Variants in VPS33A observed in about 807,000 individuals in gnomAD.
The protein encoded by VPS33A is vacuolar protein sorting-associated protein 33A.
VPS33A carries 32 observed loss-of-function variants against 71.8 expected under a neutral mutation model. That is an observed-to-expected ratio of 0.45 (90% CI 0.34 to 0.60). The LOEUF (loss-of-function observed/expected upper bound fraction) is 0.60, where lower values mean the gene tolerates loss of function less well. VPS33A is among the 20% of genes least tolerant of loss of function. The probability of loss-of-function intolerance (pLI) is 0.02; values close to 1 mark genes in which losing one functional copy is unlikely to be tolerated. For synonymous variants in VPS33A, 311 were observed against 292.7 expected, an observed-to-expected ratio of 1.06 and a Z score of -0.64; for missense variants, 625 against 748.5, an observed-to-expected ratio of 0.84 and a Z score of 1.92.
At chr12:122,256,953 ATAT>A (rs1488314542) in intron 4 of VPS33A, among the ~76,000 whole-genome samples, 1 of 152,166 alleles carries the variant, frequency 6.6e-6, no homozygotes, top group African/African-American at 2.4e-5. Context: ...TGACTCAGAG[ATAT>A]TATTAAGAGA....
chr12:122,254,822 C>T (rs1013167478), intron 4 of VPS33A, among the ~76,000 whole-genome samples: 4 of 151,786 alleles, frequency 2.6e-5, no homozygotes, highest in East Asian at 2.0e-4. Flanking sequence ...GAGGCTGAGG[C>T]GGTGGATCGC....
intron 6 of VPS33A, 48 bp downstream of exon 6, chr12:122,249,823 T>C: frequency 1.3e-6 from 2 of 1,534,672 alleles, no homozygotes; most frequent in Non-Finnish European, 1.8e-6. Flanking sequence ...CCACAAAGGA[T>C]ATTCTTCTCA....
At chr12:122,245,592 C>T (rs1954766630) in intron 6 of VPS33A, among the ~76,000 whole-genome samples, 1 of 152,110 alleles carries the variant, frequency 6.6e-6, no homozygotes, top group Non-Finnish European at 1.5e-5. Flanking sequence ...TATAGGCACC[C>T]ACCACCATGC....
chr12:122,241,131 T>A (rs546235839), intron 8 of VPS33A: 1 of 136,412 alleles, frequency 7.3e-6, no homozygotes, highest in South Asian at 2.3e-4. Context: ...TGAAACTCCG[T>A]CTCAAAAAAA....
At chr12:122,246,284 C>A (rs1307236488) in intron 6 of VPS33A, among the ~76,000 whole-genome samples, 11 of 144,196 alleles carry the variant, frequency 7.6e-5, no homozygotes, top group African/African-American at 2.9e-4. Flanking sequence ...CTCTCTCTCT[C>A]TCTTATTTTA....
chr12:122,245,952 A>G (rs868364801), intron 6 of VPS33A, among the ~76,000 whole-genome samples: 9 of 152,218 alleles, frequency 5.9e-5, no homozygotes, highest in South Asian at 2.1e-4. Context: ...ATAAGCTTCC[A>G]AATTCCTTAG....
In VPS33A at chr12:122,230,368, G is replaced by C. The variant is rs1947139278; in HGVS notation, c.*1878C>G. 1 of 152,280 alleles carries C rather than the reference G, an allele frequency of 6.6e-6. No homozygotes were observed. Among genetic ancestry groups the C allele is most frequent in the East Asian group, 1.9e-4 (1 of 5,194 alleles). 9.4% of individuals were successfully genotyped at this position (152,280 alleles called of 1,614,324 possible). A position where few individuals can be genotyped will look rare whatever the true frequency, so the allele number is the denominator to read the frequency against. On this transcript the variant is annotated 3_prime_UTR_variant, in exon 13 of 13. Coordinates refer to ENST00000267199, the MANE Select transcript of VPS33A (RefSeq NM_022916.6). The stretch of plus-strand genomic sequence containing the variant: ...GGCCGAGGTGGGCCAATCGCCTGAG[G>C]TCAGGAGTTTGAGACCAGCCTGGCC...
chr12:122,266,270 G>C (rs562483012), intron 1 of VPS33A, 37 bp downstream of exon 1: 17 of 1,602,226 alleles, frequency 1.1e-5, no homozygotes, highest in Middle Eastern at 1.6e-4. Context: ...CCGGACCAGG[G>C]GAGGCGAGGG....
chr12:122,251,308 C>T (rs1592923254), intron 4 of VPS33A, among the ~76,000 whole-genome samples: 2 of 152,224 alleles, frequency 1.3e-5, no homozygotes, highest in East Asian at 3.9e-4. Context: ...GTGGGTGCAG[C>T]CGTGGAAGCA....
chr12:122,249,842 AT>A, intron 6 of VPS33A, 28 bp downstream of exon 6: 1 of 1,588,160 alleles, frequency 6.3e-7, no homozygotes, highest in Non-Finnish European at 8.6e-7. Flanking sequence ...CATATTACCT[AT>A]TAGTGAAAAC....
intron 4 of VPS33A, among the ~76,000 whole-genome samples, chr12:122,260,183 T>C (rs1310798553): frequency 6.6e-6 from 1 of 152,174 alleles, no homozygotes; most frequent in African/African-American, 2.4e-5. Flanking sequence ...ATAGTTAAAA[T>C]GTGCCATACT....
At chr12:122,255,164 C>T (rs1006944177) in intron 4 of VPS33A, among the ~76,000 whole-genome samples, 9 of 152,066 alleles carry the variant, frequency 5.9e-5, no homozygotes, top group African/African-American at 1.2e-4. Context: ...GAGTTTGCTT[C>T]GGCTGCTACC....
chr12:122,263,400 C>G (rs761892392), intron 3 of VPS33A, among the ~76,000 whole-genome samples, 172 bp downstream of exon 3: 1 of 152,096 alleles, frequency 6.6e-6, no homozygotes, highest in Non-Finnish European at 1.5e-5. Flanking sequence ...TTAACTATCT[C>G]CACCTCCCCC....
At chr12:122,262,215 A>G (rs1955004141) in intron 3 of VPS33A, among the ~76,000 whole-genome samples, 1 of 152,084 alleles carries the variant, frequency 6.6e-6, no homozygotes, top group African/African-American at 2.4e-5. Flanking sequence ...AAACTGACTC[A>G]GACCCAACGT....
intron 5 of VPS33A, 156 bp from the exon 6 acceptor site, chr12:122,250,201 T>C (rs1954824929): frequency 1.3e-6 from 1 of 751,960 alleles, no homozygotes; most frequent in Admixed American, 3.3e-5. Context: ...AGCACCTTGC[T>C]GTTGGCACCC....
At chr12:122,234,087 A>C (rs187899283) in intron 11 of VPS33A, among the ~76,000 whole-genome samples, 1 of 152,328 alleles carries the variant, frequency 6.6e-6, no homozygotes, top group Admixed American at 6.5e-5. Context: ...TAATAAATGT[A>C]AAGCAAAGTG....
intron 4 of VPS33A, among the ~76,000 whole-genome samples, chr12:122,259,295 C>T (rs2136149043): frequency 6.6e-6 from 1 of 152,192 alleles, no homozygotes; most frequent in Admixed American, 6.5e-5. Flanking sequence ...TCTCAGCTCA[C>T]TGTAACCTCC....
At chr12:122,249,347 C>T (rs1374802923) in intron 6 of VPS33A, 3 of 152,202 alleles carry the variant, frequency 2.0e-5, no homozygotes, top group African/African-American at 7.2e-5. Context: ...ATCAGCCTCC[C>T]AAGTAGCTGG....
chr12:122,247,708 T>C (rs1475915840), intron 6 of VPS33A, among the ~76,000 whole-genome samples: 2 of 152,076 alleles, frequency 1.3e-5, no homozygotes, highest in African/African-American at 2.4e-5. Flanking sequence ...ATATACAACA[T>C]GGTAGGACCA....
Sources: gnomAD v4.1 joint callset for allele counts (sites outside exome capture counted in the v4.1 genomes callset) on GRCh38, gnomAD v4.1.1 for gene constraint, MANE v1.5 for transcripts, NCBI Gene and HGNC (gene_info 2026-07-23, HGNC 2026-07-21) for gene names.